The following ZFR2 variants were observed in gnomAD, a reference collection of about 807,000 sequenced individuals.
The protein encoded by ZFR2 is zinc finger RNA binding protein 2, also known as zinc finger RNA-binding protein 2.
A neutral mutation model predicts 105.7 loss-of-function variants in ZFR2; 104 were observed. That is an observed-to-expected ratio of 0.98 (90% CI 0.84 to 1.16). ZFR2 has a LOEUF of 1.16. ZFR2 is among the 50% of genes most tolerant of loss of function. ZFR2 has a pLI of 0.00. For missense variants in ZFR2, 1,425 were observed against 1,355.5 expected, an observed-to-expected ratio of 1.05 and a Z score of -0.80; for synonymous variants, 634 against 597.7, an observed-to-expected ratio of 1.06 and a Z score of -0.89.
chr19:3,812,190 G>A (rs755390893), intron 14 of ZFR2, among the ~76,000 whole-genome samples: 24 of 151,536 alleles, frequency 1.6e-4, no homozygotes, highest in South Asian at 4.2e-4. Context: ...GTGATCCGCC[G>A]GCCTTGGCCT....
intron 5 of ZFR2, 103 bp from the exon 6 acceptor site, chr19:3,827,756 CAG>C: frequency 7.6e-7 from 1 of 1,318,318 alleles, no homozygotes; most frequent in Non-Finnish European, 1.0e-6. Context: ...TCGGTGGTAA[CAG>C]AGGCCCGCTG....
At position 3,823,188 on chromosome 19, in the gene ZFR2, G is replaced by A; in HGVS notation, c.1371+58C>T. The A allele has an allele frequency of 6.2e-7, 1 of 1,610,292 alleles. No homozygotes were observed. Among genetic ancestry groups the A allele is most frequent in the Non-Finnish European group, 8.5e-7 (1 of 1,178,134 alleles). The stretch of plus-strand genomic sequence containing the variant: ...GAAGCCGGGTGAGGTCTCGAAGCCT[G>A]ATCCATGGGAAGGTCCTTCCCTGAC... On this transcript the variant is annotated intron_variant, in intron 8 of 18. Coordinates refer to ENST00000262961, the MANE Select transcript of ZFR2 (RefSeq NM_015174.2). The surrounding 1 kb of genome is among the most constrained non-coding windows in gnomAD (Gnocchi z 5.4).
Position 3,852,658 on chromosome 19 carries a change from G to T in ZFR2, c.53+16307C>A, listed in dbSNP as rs780126193. The T allele has an allele frequency of 1.1e-5, 8 of 695,912 alleles. No homozygotes were observed. In the South Asian group the frequency reaches 1.2e-4, roughly 11 times the overall value. 43.1% of individuals were successfully genotyped at this position (695,912 alleles called of 1,614,324 possible). On this transcript the variant is annotated intron_variant, in intron 1 of 18. Coordinates refer to ENST00000262961, the MANE Select transcript of ZFR2 (RefSeq NM_015174.2). ...CATGGTGGGAAGGGCATGGATATAA[G>T]GGTGGATGAAGGATGAAGGCATTTT...
chr19:3,814,035 G>A (rs899554724), intron 13 of ZFR2, 77 bp from the exon 14 acceptor site: 3 of 1,579,468 alleles, frequency 1.9e-6, no homozygotes, highest in Non-Finnish European at 2.6e-6. Context: ...GATGTGGTTG[G>A]TGTGTGTAAA....
At chr19:3,837,800 CA>C in intron 1 of ZFR2, among the ~76,000 whole-genome samples, 1 of 150,326 alleles carries the variant, frequency 6.7e-6, no homozygotes, top group African/African-American at 2.4e-5. Flanking sequence ...CTGTGACACT[CA>C]AACACCATGA....
At chr19:3,832,967 C>T (rs1428258951) in intron 3 of ZFR2, among the ~76,000 whole-genome samples, 3 of 145,916 alleles carry the variant, frequency 2.1e-5, no homozygotes, top group African/African-American at 5.0e-5. Context: ...GTAACTTTCA[C>T]GGGGTGCAGT....
chr19:3,837,620 TTGA>T (rs1381684249), intron 1 of ZFR2, among the ~76,000 whole-genome samples: 2 of 139,812 alleles, frequency 1.4e-5, no homozygotes, highest in Non-Finnish European at 3.0e-5. Flanking sequence ...ACTGTGGAAC[TTGA>T]TGAACACCAT....
intron 1 of ZFR2, among the ~76,000 whole-genome samples, chr19:3,857,695 CAAAAA>C (rs11367233): frequency 1.9e-5 from 2 of 104,398 alleles, no homozygotes. Context: ...GACCCTGTCT[CAAAAA>C]AAAAAAAAAA....
chr19:3,819,326 G>T, intron 11 of ZFR2, 91 bp from the exon 12 acceptor site: 1 of 1,182,362 alleles, frequency 8.5e-7, no homozygotes, highest in Non-Finnish European at 1.1e-6. Flanking sequence ...GGTGGCCGTG[G>T]CCAGCCAGGT....
Position 3,838,223 on chromosome 19 carries a change from C to T in ZFR2, c.54-3240G>A, listed in dbSNP as rs1204787396. 6.6e-6 allele frequency among the ~76,000 whole-genome samples: 1 copy of T among 152,168 alleles called. No individual in the cohort carries two copies. Among genetic ancestry groups the T allele is most frequent in the East Asian group, 1.9e-4 (1 of 5,196 alleles). On this transcript the variant is annotated intron_variant, in intron 1 of 18. Coordinates refer to ENST00000262961, the MANE Select transcript of ZFR2 (RefSeq NM_015174.2). This position sits in a 1 kb window ranked among gnomAD's most constrained non-coding sequence, Gnocchi z 4.9. ...ATCCCGACAATACATTCGATGAACA[C>T]CGTGACTACTGACATTTGATGAACA...
intron 1 of ZFR2, among the ~76,000 whole-genome samples, chr19:3,863,912 C>T (rs2038401211): frequency 6.6e-6 from 1 of 152,140 alleles, no homozygotes; most frequent in East Asian, 1.9e-4. Context: ...CAACACCTAC[C>T]CCAAGGATCA....
In ZFR2 at chr19:3,858,375, C is replaced by T. The variant is rs1599256485; in HGVS notation, c.53+10590G>A. On this transcript the variant is annotated intron_variant, in intron 1 of 18. Transcript: ENST00000262961. The surrounding 1 kb of genome is among the most constrained non-coding windows in gnomAD (Gnocchi z 4.3). The stretch of plus-strand genomic sequence containing the variant: ...GGTCATTCTCTATTTGCATATAATG[C>T]TAATTTCTGCTGAACACTGCATTGA... Among the ~76,000 whole-genome samples the T allele has an allele frequency of 6.6e-6, 1 of 152,206 alleles. No individual in the cohort carries two copies. Among genetic ancestry groups the T allele is most frequent in the Non-Finnish European group, 1.5e-5 (1 of 68,044 alleles).
intron 1 of ZFR2, among the ~76,000 whole-genome samples, chr19:3,847,197 T>C (rs765516968): frequency 1.3e-5 from 2 of 152,186 alleles, no homozygotes; most frequent in Non-Finnish European, 2.9e-5. Flanking sequence ...CAGGTGAAAG[T>C]TGCCCTTGTT....
intron 3 of ZFR2, among the ~76,000 whole-genome samples, chr19:3,833,383 T>C (rs1041337551): frequency 3.3e-5 from 5 of 152,036 alleles, no homozygotes; most frequent in Non-Finnish European, 1.5e-5. Flanking sequence ...GAGACCATCC[T>C]GGCTAATACT....
chr19:3,811,980 G>C (rs1236739481), intron 14 of ZFR2, among the ~76,000 whole-genome samples: 1 of 152,024 alleles, frequency 6.6e-6, no homozygotes, highest in African/African-American at 2.4e-5. Context: ...GTCTCACTCT[G>C]TTGCCCAGGC....
intron 1 of ZFR2, among the ~76,000 whole-genome samples, chr19:3,853,498 C>CA (rs901520179): frequency 6.0e-4 from 87 of 145,754 alleles, no homozygotes; most frequent in African/African-American, 8.0e-4. Context: ...ATTTTGCCAC[C>CA]AAAAAAAAAA....
chr19:3,833,663 C>G lies in ZFR2; in HGVS notation c.379+1G>C. 1 of 1,554,574 alleles carries G rather than the reference C, an allele frequency of 6.4e-7. No homozygotes were observed. Among genetic ancestry groups the G allele is most frequent in the African/African-American group, 1.4e-5 (1 of 73,664 alleles). ...CAGCCCCGACCCTGCAGATGGCTCA[C>G]CTGGCTGGCCGGAGTCTGCGGCTGT... On this transcript the variant is annotated splice_donor_variant, in intron 3 of 18. Transcript: ENST00000262961. LOFTEE classifies it high-confidence loss of function.
Position 3,820,279 on chromosome 19 carries a change from T to C in ZFR2, c.1643A>G (p.Glu548Gly). 1 of 1,544,996 alleles carries C rather than the reference T, an allele frequency of 6.5e-7. No individual in the cohort carries two copies. Among genetic ancestry groups the C allele is most frequent in the Non-Finnish European group, 8.7e-7 (1 of 1,145,962 alleles). ...GGGCGGCACGTCCTGGGGTGGCTCC[T>C]CCTCCAGCCGCCTGCAGGACCGAGA... The part of the protein sequence containing the change: ...RWHAERRRLE[E>G]EPPQDVPPHA... The change falls in exon 11 of 19, where the codon GAG becomes GGG. Residue 548 changes from glutamate (E) to glycine (G), a missense_variant. By Grantham distance (98) the Glu-to-Gly change is moderately conservative. Transcript: ENST00000262961.
intron 15 of ZFR2, 98 bp from the exon 16 acceptor site, chr19:3,810,943 T>C: frequency 3.0e-6 from 4 of 1,339,250 alleles, no homozygotes; most frequent in African/African-American, 2.9e-5. Context: ...GGGAGGATAA[T>C]AGGGAGCCTG....
Sources: gnomAD v4.1 joint callset for allele counts (sites outside exome capture counted in the v4.1 genomes callset) on GRCh38, gnomAD v4.1.1 for gene constraint, Gnocchi (gnomAD v3.1) non-coding constraint, MANE v1.5 for transcripts, NCBI Gene and HGNC (gene_info 2026-07-23, HGNC 2026-07-21) for gene names.